The following PRKG2 variants were observed in gnomAD, a reference collection of about 807,000 sequenced individuals.
PRKG2 encodes the protein cGMP-dependent protein kinase 2.
PRKG2 carries 33 observed loss-of-function variants against 97.2 expected under a neutral mutation model. The observed-to-expected ratio is 0.34, with a 90% CI of 0.26 to 0.45. The LOEUF (loss-of-function observed/expected upper bound fraction) is 0.45. Among genes scored for constraint, PRKG2 ranks in the 20% least tolerant of loss-of-function variants. PRKG2 has a pLI of 1.00. For synonymous variants in PRKG2, 330 were observed against 321.8 expected (o/e 1.03, Z -0.27); for missense variants, 638 against 900.0 (o/e 0.71, Z 3.73).
At chr4:81,126,566 C>G (rs878987539) in intron 14 of PRKG2, among the ~76,000 whole-genome samples, 1 of 152,108 alleles carries the variant, frequency 6.6e-6, no homozygotes, top group Admixed American at 6.6e-5. Flanking sequence ...AATGATTGCC[C>G]TTCTAACTGG....
At chr4:81,205,760 T>C (rs538093681) in intron 1 of PRKG2, among the ~76,000 whole-genome samples, 1 of 152,234 alleles carries the variant, frequency 6.6e-6, no homozygotes, top group African/African-American at 2.4e-5. Context: ...AAGGCTCTAT[T>C]CTTTTCCTAT....
intron 2 of PRKG2, 124 bp from the exon 3 acceptor site, chr4:81,175,083 C>T (rs1418341962): frequency 3.3e-6 from 3 of 910,084 alleles, no homozygotes; most frequent in East Asian, 5.6e-5. Context: ...GCAAGAACAA[C>T]CTTTTTCTAA....
intron 14 of PRKG2, among the ~76,000 whole-genome samples, chr4:81,114,001 C>T (rs1174579583): frequency 6.6e-6 from 1 of 152,044 alleles, no homozygotes; most frequent in African/African-American, 2.4e-5. Flanking sequence ...GTTTGGTGTA[C>T]AGATTCAGCT....
chr4:81,124,672 C>T (rs1322298416), intron 14 of PRKG2, among the ~76,000 whole-genome samples: 1 of 152,146 alleles, frequency 6.6e-6, no homozygotes, highest in Non-Finnish European at 1.5e-5. Context: ...ACCTTGGATT[C>T]GGTTCCTCTA....
intron 6 of PRKG2, among the ~76,000 whole-genome samples, chr4:81,166,241 T>C (rs1243854648): frequency 2.6e-5 from 4 of 152,096 alleles, no homozygotes; most frequent in Admixed American, 1.3e-4. Context: ...TGACAGATAT[T>C]AGTTACATTG....
chr4:81,205,198 A>T, intron 1 of PRKG2, 138 bp from the exon 2 acceptor site: 1 of 563,990 alleles, frequency 1.8e-6, no homozygotes, highest in South Asian at 3.4e-5. Context: ...AACTTCCCGA[A>T]GTTTCCAGAA....
At position 81,092,154 on chromosome 4, in the gene PRKG2, A is replaced by G. The variant is rs563450678; in HGVS notation, c.2193+232T>C. Among the ~76,000 whole-genome samples the G allele has an allele frequency of 4.6e-5, 7 of 152,212 alleles. No homozygotes were observed. In the South Asian group the frequency reaches 1.5e-3, roughly 32 times the overall value. Reference sequence around the variant, plus strand: ...CTGACTACTTTGGGACTTAAGTGGCACTGACATGTATTTGGTTCTTGACAG... The same window carrying G: ...CTGACTACTTTGGGACTTAAGTGGCGCTGACATGTATTTGGTTCTTGACAG... On this transcript the variant is annotated intron_variant, in intron 18 of 18. Coordinates refer to ENST00000264399, the MANE Select transcript of PRKG2 (RefSeq NM_006259.3).
intron 14 of PRKG2, among the ~76,000 whole-genome samples, chr4:81,116,582 T>A (rs1744551051): frequency 1.3e-5 from 2 of 152,136 alleles, no homozygotes. Flanking sequence ...TTTAAGTTCT[T>A]TAAGAAATTG....
intron 3 of PRKG2, among the ~76,000 whole-genome samples, chr4:81,174,458 A>G (rs113846762): frequency 5.7e-4 from 86 of 152,006 alleles, no homozygotes; most frequent in Non-Finnish European, 7.2e-4. Flanking sequence ...CTTATGATCT[A>G]TGTGGCGTTA....
At chr4:81,188,283 C>G (rs1356667218) in intron 2 of PRKG2, among the ~76,000 whole-genome samples, 3 of 150,734 alleles carry the variant, frequency 2.0e-5, no homozygotes, top group African/African-American at 7.5e-5. Flanking sequence ...TGCTCACCAT[C>G]ACTGGCCATC....
chr4:81,179,134 CA>C (rs575898558), intron 2 of PRKG2, among the ~76,000 whole-genome samples: 96 of 119,920 alleles, frequency 8.0e-4, no homozygotes, highest in East Asian at 1.8e-3. Flanking sequence ...CAAAAACAAA[CA>C]AAAAAAAAAA....
At chr4:81,185,089 C>G (rs1184335799) in intron 2 of PRKG2, among the ~76,000 whole-genome samples, 1 of 152,166 alleles carries the variant, frequency 6.6e-6, no homozygotes, top group East Asian at 1.9e-4. Context: ...CCCAACCTAG[C>G]AAGACAGGGC....
At chr4:81,096,147 T>C (rs1742090274) in intron 17 of PRKG2, among the ~76,000 whole-genome samples, 1 of 152,124 alleles carries the variant, frequency 6.6e-6, no homozygotes, top group South Asian at 2.1e-4. Flanking sequence ...AATAAGACAA[T>C]GATAAAGTTT....
intron 6 of PRKG2, among the ~76,000 whole-genome samples, chr4:81,154,605 A>G (rs986285749): frequency 2.7e-5 from 4 of 150,090 alleles, no homozygotes; most frequent in African/African-American, 5.1e-5. Context: ...CATCCACAGC[A>G]AAAACCCATC....
intron 6 of PRKG2, among the ~76,000 whole-genome samples, chr4:81,154,964 G>A (rs1748878574): frequency 1.3e-5 from 2 of 152,074 alleles, no homozygotes; most frequent in Admixed American, 1.3e-4. Context: ...CACGAGGTCA[G>A]GAGATCGAGA....
chr4:81,148,477 T>C (rs906828715), intron 9 of PRKG2, among the ~76,000 whole-genome samples: 1 of 152,168 alleles, frequency 6.6e-6, no homozygotes, highest in African/African-American at 2.4e-5. Flanking sequence ...GTAGCTAATA[T>C]ATATTTTATG....
At chr4:81,153,763 G>T in intron 6 of PRKG2, 42 bp from the exon 7 acceptor site, 1 of 1,426,184 alleles carries the variant, frequency 7.0e-7, no homozygotes, top group Non-Finnish European at 9.9e-7. Flanking sequence ...AGCGGGTGGA[G>T]CCAAGATGGC....
chr4:81,135,831 AT>A (rs369635739), intron 13 of PRKG2, among the ~76,000 whole-genome samples: 270 of 144,600 alleles, frequency 1.9e-3, no homozygotes, highest in Middle Eastern at 3.8e-3. Context: ...TACAGACTGG[AT>A]TTTTTTTTTT....
At chr4:81,120,858 T>C (rs56292411) in intron 14 of PRKG2, among the ~76,000 whole-genome samples, 24,809 of 152,192 alleles carry the variant, frequency 0.16, 2,861 homozygotes, top group African/African-American at 0.32. Context: ...AGAAGACATC[T>C]TTGCCTTATT....
Sources: gnomAD v4.1 joint callset for allele counts (sites outside exome capture counted in the v4.1 genomes callset) on GRCh38, gnomAD v4.1.1 for gene constraint, MANE v1.5 for transcripts, NCBI Gene and HGNC (gene_info 2026-07-23, HGNC 2026-07-21) for gene names.